Variants in ATOSA observed in about 807,000 individuals in gnomAD.
The protein encoded by ATOSA is atos homolog A.
the ATOSA span, among the ~76,000 whole-genome samples, chr15:52,639,681 T>G: frequency 6.6e-6 from 1 of 152,214 alleles, no homozygotes; most frequent in Non-Finnish European, 1.5e-5. Flanking sequence ...TCATGCAGTT[T>G]TAACACTGTT....
the ATOSA span, among the ~76,000 whole-genome samples, chr15:52,594,659 A>G: frequency 6.6e-6 from 1 of 152,080 alleles, no homozygotes; most frequent in South Asian, 2.1e-4. Context: ...TTTGCCCTCT[A>G]ATCAATCCAA....
the ATOSA span, among the ~76,000 whole-genome samples, chr15:52,631,963 ACTCCTGGCCTC>A: frequency 6.6e-6 from 1 of 151,968 alleles, no homozygotes; most frequent in African/African-American, 2.4e-5. Flanking sequence ...TTGGTCTCAA[ACTCCTGGCCTC>A]AAGCGATCCT....
chr15:52,584,740 A>G, the ATOSA span: 2 of 1,605,146 alleles, frequency 1.2e-6, no homozygotes, highest in Non-Finnish European at 1.7e-6. Flanking sequence ...AATTTGAAGC[A>G]TTACCTCAGA....
the ATOSA span, among the ~76,000 whole-genome samples, chr15:52,629,241 G>A: frequency 7.3e-3 from 1,107 of 152,212 alleles, 12 homozygotes; most frequent in African/African-American, 0.025. Context: ...AAAACTGAGT[G>A]GCAAGTAGAG....
At chr15:52,619,819 A>C in the ATOSA span, among the ~76,000 whole-genome samples, 4 of 145,116 alleles carry the variant, frequency 2.8e-5, no homozygotes, top group Non-Finnish European at 4.6e-5. Flanking sequence ...TGACAGAGAG[A>C]CTGTCTTAAA....
At chr15:52,662,961 G>C in the ATOSA span, among the ~76,000 whole-genome samples, 1 of 152,002 alleles carries the variant, frequency 6.6e-6, no homozygotes, top group Non-Finnish European at 1.5e-5. Flanking sequence ...TTATAACAGC[G>C]GGCGATAATG....
chr15:52,600,006 G>A, the ATOSA span: 4 of 480,434 alleles, frequency 8.3e-6, no homozygotes, highest in Non-Finnish European at 1.5e-5. Flanking sequence ...GTAATTTCAA[G>A]GCTTGAAAAA....
the ATOSA span, chr15:52,613,713 G>T: frequency 1.2e-6 from 2 of 1,613,770 alleles, no homozygotes; most frequent in Admixed American, 1.7e-5. Context: ...GGTAGTTACT[G>T]GGTAACAAGA....
chr15:52,670,897 T>A, the ATOSA span, among the ~76,000 whole-genome samples: 1 of 152,184 alleles, frequency 6.6e-6, no homozygotes, highest in African/African-American at 2.4e-5. Context: ...GTAAACAGGT[T>A]TGGGACTTAA....
chr15:52,615,245 G>C, the ATOSA span, among the ~76,000 whole-genome samples: 59 of 152,278 alleles, frequency 3.9e-4, no homozygotes, highest in Admixed American at 7.8e-4. Flanking sequence ...TTTTCACGTA[G>C]TTATGGTAAT....
the ATOSA span, among the ~76,000 whole-genome samples, chr15:52,685,365 A>G: frequency 6.6e-6 from 1 of 151,844 alleles, no homozygotes; most frequent in South Asian, 2.1e-4. Context: ...GCCTAGATAT[A>G]GTAGGAACAA....
the ATOSA span, chr15:52,584,687 A>C: frequency 6.7e-7 from 1 of 1,490,624 alleles, no homozygotes; most frequent in Non-Finnish European, 9.1e-7. Context: ...TAAAAAAAAA[A>C]ACTAAAAATT....
the ATOSA span, among the ~76,000 whole-genome samples, chr15:52,640,950 T>C: frequency 6.6e-6 from 1 of 152,184 alleles, no homozygotes; most frequent in Non-Finnish European, 1.5e-5. Context: ...ATTGAATATA[T>C]ATTCAAAGGA....
chr15:52,620,759 G>A, the ATOSA span, among the ~76,000 whole-genome samples: 3 of 152,156 alleles, frequency 2.0e-5, no homozygotes, highest in East Asian at 1.9e-4. Flanking sequence ...ACCAGCCTGG[G>A]CAACGTGGCA....
the ATOSA span, among the ~76,000 whole-genome samples, chr15:52,646,387 G>A: frequency 1.3e-5 from 2 of 152,200 alleles, no homozygotes; most frequent in Non-Finnish European, 2.9e-5. Flanking sequence ...CCGGGTGGCA[G>A]TCTAAGGCCA....
chr15:52,592,568 T>G, the ATOSA span, among the ~76,000 whole-genome samples: 2 of 152,136 alleles, frequency 1.3e-5, no homozygotes, highest in Non-Finnish European at 1.5e-5. Flanking sequence ...AACTCAGAGG[T>G]GTCCAATCTT....
At chr15:52,682,873 A>G in the ATOSA span, among the ~76,000 whole-genome samples, 4 of 152,236 alleles carry the variant, frequency 2.6e-5, no homozygotes, top group African/African-American at 9.6e-5. Flanking sequence ...TAAGAGAGAA[A>G]GATCATGGAG....
the ATOSA span, among the ~76,000 whole-genome samples, chr15:52,660,156 A>C: frequency 6.6e-6 from 1 of 152,230 alleles, no homozygotes; most frequent in Non-Finnish European, 1.5e-5. Flanking sequence ...GTTGTTGAGC[A>C]AGCAACAGGC....
At chr15:52,596,595 A>C in the ATOSA span, among the ~76,000 whole-genome samples, 1 of 152,208 alleles carries the variant, frequency 6.6e-6, no homozygotes. Flanking sequence ...CACCCAGGGG[A>C]TATATGGTAA....
Sources: gnomAD v4.1 joint callset for allele counts (sites outside exome capture counted in the v4.1 genomes callset) on GRCh38, gnomAD v4.1.1 for gene constraint, MANE v1.5 for transcripts, NCBI Gene and HGNC (gene_info 2026-07-23, HGNC 2026-07-21) for gene names.